Variants in SOCS7 observed in about 807,000 individuals in gnomAD.
The protein encoded by SOCS7 is NAP-4.
In SOCS7, 18 loss-of-function variants were observed where a neutral mutation model predicts 58.9. That is an observed-to-expected ratio of 0.31 (90% CI 0.21 to 0.45). The LOEUF is 0.45. Among genes scored for constraint, SOCS7 ranks in the 20% least tolerant of loss-of-function variants. SOCS7 has a pLI of 1.00. For synonymous variants in SOCS7, 388 were observed against 364.3 expected (o/e 1.06, Z -0.74); for missense variants, 667 against 837.3 (o/e 0.80, Z 2.51).
intron 1 of SOCS7, 132 bp downstream of exon 1, chr17:38,353,164 G>A: frequency 1.2e-6 from 1 of 836,914 alleles, no homozygotes; most frequent in Admixed American, 2.9e-5. Flanking sequence ...GGGACCAAAG[G>A]TGGTAACATC....
chr17:38,352,639 G>T lies in SOCS7; in HGVS notation c.587G>T (p.Cys196Phe). Residue 196 changes from cysteine to phenylalanine, a missense_variant, in exon 1 of 10, where the codon TGC becomes TTC. This residue lies in a region of SOCS7 where 208 missense variants were observed against 190.3 expected (regional missense o/e 1.09). Transcript: ENST00000612932. The surrounding 1 kb of genome is among the most constrained non-coding windows in gnomAD (Gnocchi z 5.5). Reference protein sequence around the residue: ...SEAESLETNSCSEEELSSPGR... With the variant: ...SEAESLETNSFSEEELSSPGR... ...GCCGAGAGCCTGGAGACTAACAGCT[G>T]CTCGGAAGAGGAGCTCAGCAGCCCG... 6.5e-7 allele frequency: 1 copy of T among 1,550,082 alleles called. No individual in the cohort carries two copies. Among genetic ancestry groups the T allele is most frequent in the Non-Finnish European group, 8.7e-7 (1 of 1,146,864 alleles).
chr17:38,363,578 G>A (rs775071883), intron 2 of SOCS7, among the ~76,000 whole-genome samples: 1 of 152,090 alleles, frequency 6.6e-6, no homozygotes, highest in Non-Finnish European at 1.5e-5. Flanking sequence ...CAAGTGATTC[G>A]CCTACCTTGG....
chr17:38,385,913 C>G (rs539058671), intron 7 of SOCS7, among the ~76,000 whole-genome samples: 1 of 152,236 alleles, frequency 6.6e-6, no homozygotes, highest in East Asian at 1.9e-4. Context: ...ATAATAGTAG[C>G]TCATGCCTAA....
chr17:38,370,218 G>A (rs558788091), intron 6 of SOCS7, among the ~76,000 whole-genome samples: 9 of 152,072 alleles, frequency 5.9e-5, no homozygotes, highest in South Asian at 2.1e-4. Flanking sequence ...GGCTGGTCTC[G>A]AACTCCTAGC....
At chr17:38,353,723 C>T (rs376841535) in intron 1 of SOCS7, among the ~76,000 whole-genome samples, 4 of 152,130 alleles carry the variant, frequency 2.6e-5, no homozygotes, top group South Asian at 2.1e-4. Flanking sequence ...GGGCAACATG[C>T]GAAACCCCAT....
chr17:38,359,447 T>C (rs1238196921), intron 1 of SOCS7, among the ~76,000 whole-genome samples: 1 of 152,206 alleles, frequency 6.6e-6, no homozygotes, highest in African/African-American at 2.4e-5. Flanking sequence ...CTGAATAAGA[T>C]CTTCATGGTA....
intron 3 of SOCS7, 99 bp downstream of exon 3, chr17:38,364,955 T>C: frequency 3.6e-6 from 3 of 844,206 alleles, no homozygotes; most frequent in Non-Finnish European, 5.7e-6. Flanking sequence ...GGGTTTCCGA[T>C]GATGACTCAA....
chr17:38,382,124 A>T (rs2038011179), intron 7 of SOCS7, among the ~76,000 whole-genome samples: 2 of 151,458 alleles, frequency 1.3e-5, no homozygotes, highest in Non-Finnish European at 2.9e-5. Flanking sequence ...GAAGAAAAAA[A>T]TATCTTTAAA....
At chr17:38,387,145 A>ATATATGTGTG in intron 7 of SOCS7, among the ~76,000 whole-genome samples, 1 of 123,474 alleles carries the variant, frequency 8.1e-6, no homozygotes, top group African/African-American at 3.5e-5. Flanking sequence ...ATATATATAT[A>ATATATGTGTG]TATATATGAT....
At chr17:38,389,307 G>A (rs2038119937) in intron 7 of SOCS7, among the ~76,000 whole-genome samples, 1 of 152,192 alleles carries the variant, frequency 6.6e-6, no homozygotes, top group African/African-American at 2.4e-5. Context: ...TATAAGCCCA[G>A]TACTTAGGGA....
chr17:38,367,063 GTTGTC>G (rs771222219), intron 5 of SOCS7, among the ~76,000 whole-genome samples: 2 of 152,060 alleles, frequency 1.3e-5, no homozygotes, highest in Non-Finnish European at 2.9e-5. Flanking sequence ...TGTTGTTGTT[GTTGTC>G]TTGTTTTGTT....
intron 1 of SOCS7, among the ~76,000 whole-genome samples, chr17:38,355,519 A>G (rs587602502): frequency 7.9e-4 from 121 of 152,276 alleles, no homozygotes; most frequent in African/African-American, 2.8e-3. Flanking sequence ...TAAGTCCGCA[A>G]TAGTGGGAGG....
chr17:38,395,688 G>A (rs916577320), intron 8 of SOCS7, among the ~76,000 whole-genome samples, 160 bp from the exon 9 acceptor site: 9 of 152,320 alleles, frequency 5.9e-5, no homozygotes, highest in Middle Eastern at 6.8e-3. Context: ...TAGAGTAGAA[G>A]TGGTAAGAGT....
intron 5 of SOCS7, among the ~76,000 whole-genome samples, chr17:38,367,045 T>TGG (rs2037799047): frequency 6.6e-6 from 1 of 151,172 alleles, no homozygotes; most frequent in Non-Finnish European, 1.5e-5. Context: ...TTATTATTCT[T>TGG]TGTTTTTTGT....
intron 2 of SOCS7, among the ~76,000 whole-genome samples, chr17:38,363,112 A>T (rs587620903): frequency 1.4e-4 from 22 of 151,964 alleles, no homozygotes; most frequent in African/African-American, 5.3e-4. Flanking sequence ...TCTGTCTCAA[A>T]AAAAAAAAAG....
At chr17:38,364,344 C>T (rs755813238) in intron 2 of SOCS7, among the ~76,000 whole-genome samples, 1 of 152,178 alleles carries the variant, frequency 6.6e-6, no homozygotes, top group Non-Finnish European at 1.5e-5. Context: ...CCTTGCTTTC[C>T]ATGTCTGTTT....
intron 1 of SOCS7, among the ~76,000 whole-genome samples, chr17:38,358,951 G>A (rs2037677364): frequency 6.6e-6 from 1 of 152,214 alleles, no homozygotes; most frequent in South Asian, 2.1e-4. Flanking sequence ...TCCGCAAGAT[G>A]TGTGCATTTG....
chr17:38,382,901 G>T (rs1366751501), intron 7 of SOCS7, among the ~76,000 whole-genome samples: 2 of 152,094 alleles, frequency 1.3e-5, no homozygotes, highest in Non-Finnish European at 2.9e-5. Flanking sequence ...TCTCAGCTCT[G>T]CATTATTGAC....
At position 38,352,738 on chromosome 17, in the gene SOCS7, C is replaced by A; in HGVS notation, c.686C>A (p.Pro229Gln). ...PGPELPPVPF[P>Q]LQDLVPLGRL... ...CCTGAATTACCTCCGGTGCCCTTCC[C>A]GCTGCAGGACTTGGTCCCTCTGGGG... Residue 229 changes from proline to glutamine, a missense_variant, in exon 1 of 10, where the codon CCG becomes CAG. Coordinates refer to ENST00000612932, the MANE Select transcript of SOCS7 (RefSeq NM_014598.4). The surrounding 1 kb of genome is among the most constrained non-coding windows in gnomAD (Gnocchi z 5.5). The A allele has an allele frequency of 1.3e-6, 2 of 1,550,006 alleles. No homozygotes were observed. The highest frequency in any genetic ancestry group is 8.7e-7 in the Non-Finnish European group (1 of 1,146,958).
Sources: allele counts gnomAD v4.1 joint callset (sites outside exome capture counted in the v4.1 genomes callset), GRCh38; gene constraint gnomAD v4.1.1; regional missense constraint gnomAD v4.1.1; non-coding constraint Gnocchi (gnomAD v3.1); transcripts MANE v1.5; gene names NCBI Gene and HGNC (gene_info 2026-07-23, HGNC 2026-07-21).